PRKG1: variants seen among roughly 807,000 people sequenced by gnomAD.
PRKG1 encodes the protein protein kinase cGMP-dependent 1, also known as cGMP-dependent protein kinase 1.
Under a neutral mutation model 88.1 loss-of-function variants are expected in PRKG1, and 35 were observed. That is an observed-to-expected ratio of 0.40 (90% CI 0.30 to 0.53). The LOEUF is 0.53. Ranked by LOEUF, PRKG1 falls within the 20% of genes least tolerant of loss-of-function variation. The probability of loss-of-function intolerance (pLI) is 0.59; values close to 1 mark genes in which losing one functional copy is unlikely to be tolerated. For synonymous variants in PRKG1, 303 were observed against 292.5 expected (o/e 1.04, Z -0.37); for missense variants, 540 against 839.8 (o/e 0.64, Z 4.41).
intron 3 of PRKG1, chr10:51,697,977 C>G (rs1841346984): frequency 6.2e-7 from 1 of 1,607,264 alleles, no homozygotes; most frequent in Non-Finnish European, 8.5e-7. Context: ...ATCCCTCCTC[C>G]TTGTATGCCT....
intron 9 of PRKG1, among the ~76,000 whole-genome samples, chr10:52,200,130 G>A (rs147225517): frequency 2.5e-3 from 380 of 152,140 alleles, no homozygotes; most frequent in Non-Finnish European, 3.3e-3. Flanking sequence ...GATTGTGGGC[G>A]TTTGATGTAC....
chr10:51,761,476 G>A (rs973770644), intron 3 of PRKG1, among the ~76,000 whole-genome samples: 1 of 152,140 alleles, frequency 6.6e-6, no homozygotes, highest in Admixed American at 6.5e-5. Flanking sequence ...ACTTGAATGA[G>A]CTTTGTAGAA....
chr10:51,275,645 C>A (rs1701793350), intron 2 of PRKG1, among the ~76,000 whole-genome samples: 2 of 152,210 alleles, frequency 1.3e-5, no homozygotes, highest in South Asian at 4.2e-4. Context: ...GAGCACATAT[C>A]AATAAGCTGC....
intron 5 of PRKG1, among the ~76,000 whole-genome samples, chr10:51,976,852 C>T (rs907841696): frequency 6.6e-6 from 1 of 151,902 alleles, no homozygotes; most frequent in Non-Finnish European, 1.5e-5. Context: ...TAAGTTATGA[C>T]CTGTGTTAGC....
At chr10:51,918,253 A>C (rs74135042) in intron 5 of PRKG1, among the ~76,000 whole-genome samples, 2,121 of 152,256 alleles carry the variant, frequency 0.014, 57 homozygotes, top group African/African-American at 0.049. Flanking sequence ...TTGCGGAATT[A>C]ATAAAAGAAA....
intron 1 of PRKG1, among the ~76,000 whole-genome samples, chr10:51,096,306 T>C (rs76997869): frequency 0.013 from 1,984 of 152,278 alleles, 51 homozygotes; most frequent in African/African-American, 0.046. Context: ...TTAACCCTTA[T>C]GTTGCATTTG....
At chr10:52,127,093 G>A (rs1307654730) in intron 7 of PRKG1, among the ~76,000 whole-genome samples, 1 of 152,120 alleles carries the variant, frequency 6.6e-6, no homozygotes, top group Non-Finnish European at 1.5e-5. Flanking sequence ...GTGGCCCACA[G>A]TAGATCCATA....
At chr10:51,581,327 TACAA>T (rs1342358541) in intron 3 of PRKG1, among the ~76,000 whole-genome samples, 1 of 152,114 alleles carries the variant, frequency 6.6e-6, no homozygotes, top group Non-Finnish European at 1.5e-5. Flanking sequence ...AAAAGCTGGT[TACAA>T]ACAATCCATA....
intron 6 of PRKG1, among the ~76,000 whole-genome samples, chr10:52,058,117 A>G (rs1345750146): frequency 6.6e-6 from 1 of 151,944 alleles, no homozygotes; most frequent in Non-Finnish European, 1.5e-5. Flanking sequence ...TATTCAGTTC[A>G]TTTTTCTTTA....
At position 51,735,883 on chromosome 10, in the gene PRKG1, A is replaced by ATATT. The variant is rs1554836800; in HGVS notation, c.593-68680_593-68677dup. 1.7e-4 allele frequency among the ~76,000 whole-genome samples: 17 copies of ATATT among 102,846 alleles called. No individual in the cohort carries two copies. In the South Asian group the frequency reaches 1.9e-3, roughly 12 times the overall value. The allele number at this position is 102,846 out of a possible 152,430, so 67.5% of individuals were successfully genotyped here. On this transcript the variant is annotated intron_variant, in intron 3 of 17. Coordinates refer to ENST00000373980, the MANE Select transcript of PRKG1 (RefSeq NM_006258.4). Reference sequence around the variant, plus strand: ...TATATATATATATATATATATATGTATATTTATTTATTTATTTATTTATTT... The same window carrying ATATT: ...TATATATATATATATATATATATGTATATTTATTTATTTATTTATTTATTTATTT...
intron 3 of PRKG1, among the ~76,000 whole-genome samples, chr10:51,644,884 T>A (rs1839879432): frequency 6.6e-6 from 1 of 152,042 alleles, no homozygotes; most frequent in East Asian, 1.9e-4. Context: ...GCCTTCTGGG[T>A]TCAAGCGATT....
chr10:51,010,360 G>A (rs924002792), intron 1 of PRKG1, among the ~76,000 whole-genome samples: 12 of 152,224 alleles, frequency 7.9e-5, no homozygotes, highest in Admixed American at 3.3e-4. Flanking sequence ...GATCCCAAAA[G>A]ATTATGATGG....
chr10:51,520,611 C>A (rs969894909), intron 3 of PRKG1, among the ~76,000 whole-genome samples: 2 of 151,998 alleles, frequency 1.3e-5, no homozygotes, highest in Admixed American at 1.3e-4. Context: ...GCAAAACTCC[C>A]AGATTATCTA....
At chr10:52,240,765 G>A (rs552720925) in intron 9 of PRKG1, among the ~76,000 whole-genome samples, 78 of 152,068 alleles carry the variant, frequency 5.1e-4, no homozygotes, top group African/African-American at 1.8e-3. Flanking sequence ...AATGATATAC[G>A]GGCTTTCTCC....
intron 2 of PRKG1, among the ~76,000 whole-genome samples, chr10:51,410,943 C>T (rs987693379): frequency 6.6e-6 from 1 of 151,650 alleles, no homozygotes; most frequent in African/African-American, 2.4e-5. Context: ...CGGATGTACA[C>T]AAATTTTCTT....
At chr10:51,656,326 C>G (rs979099555) in intron 3 of PRKG1, among the ~76,000 whole-genome samples, 1 of 152,138 alleles carries the variant, frequency 6.6e-6, no homozygotes, top group East Asian at 1.9e-4. Context: ...CTGAAAATTC[C>G]TCCTTCTCAC....
intron 7 of PRKG1, among the ~76,000 whole-genome samples, chr10:52,129,246 C>G (rs1837189538): frequency 6.6e-6 from 1 of 152,046 alleles, no homozygotes; most frequent in African/African-American, 2.4e-5. Flanking sequence ...TTTAATAACC[C>G]AGATTTATTA....
At chr10:51,206,095 C>T (rs1376120355) in intron 2 of PRKG1, among the ~76,000 whole-genome samples, 3 of 152,146 alleles carry the variant, frequency 2.0e-5, no homozygotes, top group Non-Finnish European at 2.9e-5. Context: ...TGTTTTCTGA[C>T]TTTTCTTGTA....
At chr10:52,188,286 A>ATG (rs1169707475) in intron 9 of PRKG1, among the ~76,000 whole-genome samples, 1 of 31,050 alleles carries the variant, frequency 3.2e-5, no homozygotes, top group African/African-American at 9.4e-5. Flanking sequence ...ATACATATAT[A>ATG]TGTGTATATA....
Sources: gnomAD v4.1 joint callset for allele counts (sites outside exome capture counted in the v4.1 genomes callset) on GRCh38, gnomAD v4.1.1 for gene constraint, MANE v1.5 for transcripts, NCBI Gene and HGNC (gene_info 2026-07-23, HGNC 2026-07-21) for gene names.